Variants in GRK5 observed in about 807,000 individuals in gnomAD.
GRK5 encodes G protein-coupled receptor kinase 5, also known as g protein-coupled receptor kinase GRK5.
Under a neutral mutation model 78.4 loss-of-function variants are expected in GRK5, and 40 were observed. That is an observed-to-expected ratio of 0.51 (90% CI 0.40 to 0.66). The LOEUF is 0.66. Among genes scored for constraint, GRK5 ranks in the 30% least tolerant of loss-of-function variants. The pLI is 0.00. For missense variants in GRK5, 598 were observed against 759.9 expected, an observed-to-expected ratio of 0.79 and a Z score of 2.50; for synonymous variants, 289 against 296.8, an observed-to-expected ratio of 0.97 and a Z score of 0.27.
At chr10:119,426,210 G>A (rs76649792) in intron 6 of GRK5, among the ~76,000 whole-genome samples, 15,937 of 152,298 alleles carry the variant, frequency 0.1, 1,021 homozygotes, top group Middle Eastern at 0.2. Flanking sequence ...CCCACTCACA[G>A]CCCTTCCCTG....
In GRK5 at chr10:119,427,507, A is replaced by AGCCATCAGCAGCATCACC. The variant is rs1441930763; in HGVS notation, c.533+2430_533+2447dup. ...GCATCACCGCCATCATCAGCATCAC[A>AGCCATCAGCAGCATCACC]GCCATCAGCAGCATCACCGCCATCA... On this transcript the variant is annotated intron_variant, in intron 6 of 15. Coordinates refer to ENST00000392870, the MANE Select transcript of GRK5 (RefSeq NM_005308.3). Among the ~76,000 whole-genome samples the AGCCATCAGCAGCATCACC allele has an allele frequency of 8.2e-3, 1,023 of 125,444 alleles. 26 individuals carry two copies. Among genetic ancestry groups the AGCCATCAGCAGCATCACC allele is most frequent in the East Asian group, 0.063 (250 of 3,982 alleles). 82.3% of individuals were successfully genotyped at this position (125,444 alleles called of 152,430 possible). A position where few individuals can be genotyped will look rare whatever the true frequency, so the allele number is the denominator to read the frequency against.
chr10:119,444,854 G>A (rs557778599), intron 12 of GRK5, among the ~76,000 whole-genome samples: 6 of 152,300 alleles, frequency 3.9e-5, no homozygotes, highest in South Asian at 4.1e-4. Context: ...GGCAACTCCC[G>A]GAGTTTAGGA....
chr10:119,345,450 C>T (rs559182722), intron 2 of GRK5, among the ~76,000 whole-genome samples: 3 of 152,314 alleles, frequency 2.0e-5, no homozygotes, highest in South Asian at 4.1e-4. Context: ...CTTCAGAATT[C>T]GCCCATGGGT....
intron 1 of GRK5, among the ~76,000 whole-genome samples, chr10:119,314,820 C>T (rs935764969): frequency 6.6e-5 from 10 of 152,166 alleles, no homozygotes; most frequent in African/African-American, 2.4e-4. Context: ...ATGGAGGAAC[C>T]GAGGGCAGGA....
chr10:119,332,835 CT>C (rs1850806244), intron 2 of GRK5, among the ~76,000 whole-genome samples: 1 of 152,194 alleles, frequency 6.6e-6, no homozygotes, highest in Admixed American at 6.5e-5. Context: ...CACACTTTTT[CT>C]TCCAGGGGAC....
rs1478829911 is a variant in GRK5, at chr10:119,427,753, AGTATTACCACCATCAGCG to A, written c.534-2620_534-2603del. Reference sequence around the variant, plus strand: ...CATCGTCAACATCACTGCCATCATCAGTATTACCACCATCAGCGGCATCACCACCATCATCAGCATCAC... The same window carrying A: ...CATCGTCAACATCACTGCCATCATCAGCATCACCACCATCATCAGCATCAC... On this transcript the variant is annotated intron_variant, in intron 6 of 15. Coordinates refer to ENST00000392870, the MANE Select transcript of GRK5 (RefSeq NM_005308.3). Among the ~76,000 whole-genome samples the A allele has an allele frequency of 5.1e-4, 67 of 130,548 alleles. 5 individuals are homozygous for A. Among genetic ancestry groups the A allele is most frequent in the East Asian group, 4.4e-3 (19 of 4,270 alleles). The allele number at this position is 130,548 out of a possible 152,430, so 85.6% of individuals were successfully genotyped here. A position where few individuals can be genotyped will look rare whatever the true frequency, so the allele number is the denominator to read the frequency against.
chr10:119,292,185 C>T (rs1191901117), intron 1 of GRK5, among the ~76,000 whole-genome samples: 4 of 131,438 alleles, frequency 3.0e-5, no homozygotes, highest in Non-Finnish European at 6.6e-5. Context: ...CTTCCTCCTC[C>T]TCCTCTTCCT....
chr10:119,211,860 T>G (rs1232429412), intron 1 of GRK5: 1 of 152,002 alleles, frequency 6.6e-6, no homozygotes, highest in African/African-American at 2.4e-5. Flanking sequence ...GACTTAACAT[T>G]CCACAGCACG....
intron 4 of GRK5, among the ~76,000 whole-genome samples, chr10:119,410,423 T>C (rs1852317164): frequency 6.6e-6 from 1 of 152,192 alleles, no homozygotes; most frequent in African/African-American, 2.4e-5. Flanking sequence ...GTCCATTTTA[T>C]TTTTCTTGAA....
chr10:119,398,518 C>A (rs1392447194), intron 4 of GRK5, among the ~76,000 whole-genome samples: 8 of 152,228 alleles, frequency 5.3e-5, no homozygotes, highest in African/African-American at 1.9e-4. Flanking sequence ...CATCTTCCCA[C>A]GGTGGCTCAG....
chr10:119,409,750 G>A (rs1211848596), intron 4 of GRK5, among the ~76,000 whole-genome samples: 1 of 151,516 alleles, frequency 6.6e-6, no homozygotes. Flanking sequence ...CCGAAGGGAT[G>A]AAGTCTTCAC....
intron 15 of GRK5, 29 bp from the exon 16 acceptor site, chr10:119,454,940 C>A: frequency 6.9e-7 from 1 of 1,457,978 alleles, no homozygotes; most frequent in Non-Finnish European, 9.6e-7. Flanking sequence ...CTGTTCTCTC[C>A]ACCCCGTCTC....
intron 1 of GRK5, among the ~76,000 whole-genome samples, chr10:119,250,532 T>TG (rs958230217): frequency 6.6e-6 from 1 of 151,184 alleles, no homozygotes; most frequent in African/African-American, 2.4e-5. Flanking sequence ...TTTTTTTTTT[T>TG]TGTACAGTCA....
At chr10:119,223,716 A>T (rs1848692922) in intron 1 of GRK5, among the ~76,000 whole-genome samples, 2 of 148,270 alleles carry the variant, frequency 1.3e-5, no homozygotes, top group African/African-American at 2.5e-5. Flanking sequence ...ATATATATAT[A>T]TTATATATAT....
chr10:119,407,619 A>G (rs981207408), intron 4 of GRK5, among the ~76,000 whole-genome samples: 2 of 152,270 alleles, frequency 1.3e-5, no homozygotes, highest in African/African-American at 4.8e-5. Flanking sequence ...GACATGCTTT[A>G]TAGCTTTAGT....
rs1449049647 is a variant in GRK5 at position 119,344,198 on chromosome 10, A to G, written c.148+17587A>G. 5.4e-5 allele frequency among the ~76,000 whole-genome samples: 8 copies of G among 147,006 alleles called. No homozygotes were observed. In the East Asian group the frequency reaches 1.6e-3, roughly 29 times the overall value. On this transcript the variant is annotated intron_variant, in intron 2 of 15. Coordinates refer to ENST00000392870, the MANE Select transcript of GRK5 (RefSeq NM_005308.3). ...TTATTTTATATTTATTTTTGATTAT[A>G]CTTTAAGTTCTAGGGTACATGTGCA...
intron 3 of GRK5, among the ~76,000 whole-genome samples, chr10:119,394,230 G>GAGTATGCGTGTGTCTGTGTGT (rs1306168257): frequency 7.0e-6 from 1 of 143,110 alleles, no homozygotes; most frequent in Non-Finnish European, 1.5e-5. Context: ...GTGTGGGTGT[G>GAGTATGCGTGTGTCTGTGTGT]GGTGTGTGGG....
intron 1 of GRK5, among the ~76,000 whole-genome samples, chr10:119,319,174 G>A (rs1300606385): frequency 6.6e-6 from 1 of 152,170 alleles, no homozygotes; most frequent in Non-Finnish European, 1.5e-5. Context: ...TCTGGCAGGA[G>A]GGCACCTGCT....
At chr10:119,384,682 C>T (rs935222421) in intron 3 of GRK5, among the ~76,000 whole-genome samples, 2 of 148,428 alleles carry the variant, frequency 1.3e-5, no homozygotes, top group Non-Finnish European at 3.0e-5. Flanking sequence ...CAGTGCCACA[C>T]GTAACAGTTG....
Sources: allele counts gnomAD v4.1 joint callset (sites outside exome capture counted in the v4.1 genomes callset), GRCh38; gene constraint gnomAD v4.1.1; transcripts MANE v1.5; gene names NCBI Gene and HGNC (gene_info 2026-07-23, HGNC 2026-07-21).